Variants in LZTR1 observed in about 807,000 individuals in gnomAD.
The protein encoded by LZTR1 is leucine zipper like post translational regulator 1.
A neutral mutation model predicts 105.7 loss-of-function variants in LZTR1; 260 were observed. The observed-to-expected ratio is 2.46, with a 90% CI of 2.22 to 2.72. The LOEUF (loss-of-function observed/expected upper bound fraction) is 2.72, where lower values mean the gene tolerates loss of function less well. Ranked by LOEUF, LZTR1 falls within the 30% of genes most tolerant of loss-of-function variation. The pLI is 0.00. For missense variants in LZTR1, 1,214 were observed against 1,166.9 expected, an observed-to-expected ratio of 1.04 and a Z score of -0.59; for synonymous variants, 490 against 476.4, an observed-to-expected ratio of 1.03 and a Z score of -0.37.
In LZTR1 at chr22:20,996,928, C is replaced by T. The variant is rs767637944; in HGVS notation, c.2368C>T (p.Arg790Trp). The change falls in exon 20 of 21, where the codon CGG (arginine) becomes TGG (tryptophan). Residue 790 changes from arginine (R) to tryptophan (W), a missense_variant. Transcript: ENST00000646124. The part of the protein sequence containing the change: ...ADKTQALDMK[R>W]HCLHIIVHQF... ...CAAAACGCAGGCACTGGACATGAAG[C>T]GGCACTGCCTGCACATCATTGTGCA... The T allele has an allele frequency of 2.7e-5, 43 of 1,613,122 alleles. No homozygotes were observed. The highest frequency in any genetic ancestry group is 5.3e-5 in the African/African-American group (4 of 74,926).
Position 20,992,904 on chromosome 22 carries a change from G to A in LZTR1, c.1260G>A (p.Gln420=), listed in dbSNP as rs1168913250. Reference sequence around the variant, plus strand: ...GCAGCGGGGAGATGTACAGGTTCCAGGTGTGGGGCCTGTGGGCCTGTAGAG... The same window carrying A: ...GCAGCGGGGAGATGTACAGGTTCCAAGTGTGGGGCCTGTGGGCCTGTAGAG... ...NIRSGEMYRF[Q]FSCYPKCTLH... Residue 420 remains glutamine (Q), a splice_region_variant and synonymous_variant, in exon 11 of 21, where the codon CAG becomes CAA. Coordinates refer to ENST00000646124, the MANE Select transcript of LZTR1 (RefSeq NM_006767.4). 1.3e-5 allele frequency: 21 copies of A among 1,586,832 alleles called. No homozygotes were observed. The highest frequency in any genetic ancestry group is 4.0e-5 in the African/African-American group (3 of 74,444).
chr22:20,987,368 G>T, intron 3 of LZTR1, 136 bp from the exon 4 acceptor site: 1 of 594,540 alleles, frequency 1.7e-6, no homozygotes, highest in Non-Finnish European at 3.0e-6. Flanking sequence ...CAGCCGGGAC[G>T]ACAGAGAGAG....
At position 20,996,787 on chromosome 22, in the gene LZTR1, C is replaced by T; in HGVS notation, c.2311C>T (p.Gln771Ter). 6.2e-7 allele frequency: 1 copy of T among 1,613,654 alleles called. No individual in the cohort carries two copies. The highest frequency in any genetic ancestry group is 1.1e-5 in the South Asian group (1 of 91,080). Residue 771 changes from glutamine (Q) to a stop codon, truncating the protein, a stop_gained, in exon 19 of 21, where the codon CAG becomes TAG. Coordinates refer to ENST00000646124, the MANE Select transcript of LZTR1 (RefSeq NM_006767.4). LOFTEE classifies it high-confidence loss of function. ...GAACCTGGAGATGAACGTGACGGTGCAGAACGTGCTGCAGGTAGCCCCCCA... is the reference window on the plus strand; with the variant it reads ...GAACCTGGAGATGAACGTGACGGTGTAGAACGTGCTGCAGGTAGCCCCCCA... ...KQNLEMNVTV[Q>*]NVLQILEAAD... is the part of the protein sequence containing the mutation.
chr22:20,987,867 C>T, intron 4 of LZTR1, 143 bp from the exon 5 acceptor site: 1 of 646,418 alleles, frequency 1.5e-6, no homozygotes, highest in Non-Finnish European at 2.8e-6. Flanking sequence ...CAGAGGCAGA[C>T]AGGCAGCAGG....
chr22:20,988,929 G>C, intron 6 of LZTR1, 57 bp downstream of exon 6: 1 of 1,484,240 alleles, frequency 6.7e-7, no homozygotes, highest in South Asian at 1.1e-5. Context: ...ACCCGGAGCA[G>C]GCCGTCCTGG....
Position 20,990,367 on chromosome 22 carries a change from C to A in LZTR1, c.652-19C>A, listed in dbSNP as rs201897638. 4 of 1,613,752 alleles carry A rather than the reference C, an allele frequency of 2.5e-6. No homozygotes were observed. The highest frequency in any genetic ancestry group is 3.4e-6 in the Non-Finnish European group (4 of 1,179,912). ...CGGGCCCTGTGAGGCCGGGGCTGAG[C>A]TGTCCTCTCCCCCTGCAGGTGGCCC... On this transcript the variant is annotated intron_variant, in intron 7 of 20. Transcript: ENST00000646124.
In LZTR1 at chr22:20,996,121, A is replaced by G. The variant is rs372358293; in HGVS notation, c.2219+9A>G. Reference sequence around the variant, plus strand: ...CCGCCCGAGGACTCGCTGCATCCTCACTCCCCAGTGAACTCCCAGGTCCCC... The same window carrying G: ...CCGCCCGAGGACTCGCTGCATCCTCGCTCCCCAGTGAACTCCCAGGTCCCC... On this transcript the variant is annotated intron_variant, in intron 18 of 20. Coordinates refer to ENST00000646124, the MANE Select transcript of LZTR1 (RefSeq NM_006767.4). 1.8e-4 allele frequency: 291 copies of G among 1,610,290 alleles called. No individual in the cohort carries two copies. The highest frequency in any genetic ancestry group is 2.4e-4 in the Non-Finnish European group (282 of 1,179,372).
chr22:20,985,433 G>A (rs533800206), intron 2 of LZTR1, among the ~76,000 whole-genome samples: 3 of 152,246 alleles, frequency 2.0e-5, no homozygotes, highest in East Asian at 1.9e-4. Context: ...CCTGAGGCAC[G>A]GGCAAGCACT....
At position 20,994,891 on chromosome 22, in the gene LZTR1, G is replaced by A. The variant is rs1924770797; in HGVS notation, c.1807G>A (p.Val603Ile). 1 of 1,613,408 alleles carries A rather than the reference G, an allele frequency of 6.2e-7. No individual in the cohort carries two copies. The highest frequency in any genetic ancestry group is 8.5e-7 in the Non-Finnish European group (1 of 1,179,996). The change falls in exon 16 of 21, where the codon GTA becomes ATA. Residue 603 changes from valine (V) to isoleucine (I), a missense_variant. Physicochemically the swap from Val to Ile is conservative, Grantham distance 29. Transcript: ENST00000646124. ...CCAGGAGCACTGCCTGAACTTCGTG[G>A]TAAAGGAGTCCCACTTCAACCAGGT... ...QLKEHCLNFV[V>I]KESHFNQVIM...
Position 20,988,795 on chromosome 22 carries a change from A to G in LZTR1, c.516A>G (p.Pro172=). 1 of 1,613,908 alleles carries G rather than the reference A, an allele frequency of 6.2e-7. No homozygotes were observed. Among genetic ancestry groups the G allele is most frequent in the Non-Finnish European group, 8.5e-7 (1 of 1,179,844 alleles). ...WTEWKIEGRL[P]VARSAHGATV... is the part of the protein sequence containing the mutation. Reference sequence around the variant, plus strand: ...CTCTTCCCTCACACTCCAGGTTGCCAGTCGCTAGGTCAGCCCATGGGGCCA... The same window carrying G: ...CTCTTCCCTCACACTCCAGGTTGCCGGTCGCTAGGTCAGCCCATGGGGCCA... The change falls in exon 6 of 21, where the codon CCA becomes CCG. Residue 172 remains proline, a synonymous_variant. Coordinates refer to ENST00000646124, the MANE Select transcript of LZTR1 (RefSeq NM_006767.4).
At chr22:20,996,157 C>A in intron 18 of LZTR1, 45 bp downstream of exon 18, 1 of 1,598,236 alleles carries the variant, frequency 6.3e-7, no homozygotes, top group Non-Finnish European at 8.5e-7. Flanking sequence ...ACCAAGGGGT[C>A]CTGGCACCCA....
intron 1 of LZTR1, 38 bp from the exon 2 acceptor site, chr22:20,982,989 G>A (rs768087255): frequency 1.3e-6 from 2 of 1,596,554 alleles, no homozygotes; most frequent in Admixed American, 3.3e-5. Flanking sequence ...CCCCCAGGAG[G>A]GTCCTGTCCT....
In LZTR1 at chr22:20,993,725, T is replaced by G; in HGVS notation, c.1324T>G (p.Phe442Val). 1 of 1,613,504 alleles carries G rather than the reference T, an allele frequency of 6.2e-7. No homozygotes were observed. Among genetic ancestry groups the G allele is most frequent in the Non-Finnish European group, 8.5e-7 (1 of 1,179,946 alleles). ...CGGGCGGCTGTGGGAGAGCCGCCAG[T>G]TCTGCGACGTGGAGTTCGTGCTGGG... ...DYGRLWESRQ[F>V]CDVEFVLGEK... Residue 442 changes from phenylalanine to valine, a missense_variant, in exon 12 of 21, where the codon TTC (phenylalanine) becomes GTC (valine). Physicochemically the swap from Phe to Val is conservative, Grantham distance 50. Coordinates refer to ENST00000646124, the MANE Select transcript of LZTR1 (RefSeq NM_006767.4).
intron 7 of LZTR1, 62 bp from the exon 8 acceptor site, chr22:20,990,324 A>G (rs1207548631): frequency 6.3e-7 from 1 of 1,589,358 alleles, no homozygotes; most frequent in East Asian, 2.2e-5. Flanking sequence ...AGCAGTCTCG[A>G]GTGTGGTGAA....
In LZTR1 at chr22:20,996,191, T is replaced by C. The variant is rs1924840517; in HGVS notation, c.2219+79T>C. 6.7e-6 allele frequency: 10 copies of C among 1,483,606 alleles called. No homozygotes were observed. The South Asian group carries it at 9.6e-5, about 14-fold the overall frequency. 91.9% of individuals were successfully genotyped at this position (1,483,606 alleles called of 1,614,324 possible). ...CACCTCAGGTGGCTTTGAGGCCCGC[T>C]CTCCTGCCCCAGCTAGGTGATCTGG... On this transcript the variant is annotated intron_variant, in intron 18 of 20. Coordinates refer to ENST00000646124, the MANE Select transcript of LZTR1 (RefSeq NM_006767.4).
chr22:20,994,550 G>A lies in LZTR1; in HGVS notation c.1616-8G>A, dbSNP rs750618522. The A allele has an allele frequency of 1.2e-6, 2 of 1,606,904 alleles. No homozygotes were observed. The highest frequency in any genetic ancestry group is 1.7e-5 in the Admixed American group (1 of 60,000). ...GGCTCCCTGAGATTCGGGGGCTCTG[G>A]GGCGCAGGCCATGTGGAGGATGTGC... On this transcript the variant is annotated splice_polypyrimidine_tract_variant and splice_region_variant and intron_variant, in intron 14 of 20. Coordinates refer to ENST00000646124, the MANE Select transcript of LZTR1 (RefSeq NM_006767.4).
At chr22:20,988,979 T>G (rs575389759) in intron 6 of LZTR1, 107 bp downstream of exon 6, 4 of 993,980 alleles carry the variant, frequency 4.0e-6, no homozygotes, top group Non-Finnish European at 6.3e-6. Context: ...GAGTGCCTGG[T>G]GGATTTTGAG....
In LZTR1 at chr22:20,996,035, G is replaced by T; in HGVS notation, c.2142G>T (p.Val714=). Residue 714 remains valine (V), a synonymous_variant, in exon 18 of 21, where the codon GTG becomes GTT. Coordinates refer to ENST00000646124, the MANE Select transcript of LZTR1 (RefSeq NM_006767.4). The part of the protein sequence containing the change: ...GQVNISIGEM[V]PSRQAFESML... ...TGAACATCTCCATCGGGGAGATGGT[G>T]CCCAGCAGGCAGGCCTTCGAGTCCA... 2 of 1,613,616 alleles carry T rather than the reference G, an allele frequency of 1.2e-6. No homozygotes were observed. The highest frequency in any genetic ancestry group is 1.1e-5 in the South Asian group (1 of 91,088).
chr22:20,993,982 G>T lies in LZTR1; in HGVS notation c.1412G>T (p.Arg471Leu). 1 of 1,612,196 alleles carries T rather than the reference G, an allele frequency of 6.2e-7. No individual in the cohort carries two copies. The highest frequency in any genetic ancestry group is 8.5e-7 in the Non-Finnish European group (1 of 1,179,768). ...GTCACAGCGCGGAGCCGCTGGCTTC[G>T]CAGGAAGATCACGCAGGCGCGGGAG... Reference protein sequence around the residue: ...AIVTARSRWLRRKITQARERL... With the variant: ...AIVTARSRWLLRKITQARERL... Residue 471 changes from arginine (R) to leucine (L), a missense_variant, in exon 13 of 21, where the codon CGC becomes CTC. Arg to Leu is a moderately radical substitution (Grantham distance 102). Transcript: ENST00000646124.
Sources: gnomAD v4.1 joint callset for allele counts (sites outside exome capture counted in the v4.1 genomes callset) on GRCh38, gnomAD v4.1.1 for gene constraint, MANE v1.5 for transcripts, NCBI Gene and HGNC (gene_info 2026-07-23, HGNC 2026-07-21) for gene names.